TENM2: variants seen among roughly 807,000 people sequenced by gnomAD.
TENM2 encodes the protein teneurin-2.
In TENM2, 52 loss-of-function variants were observed where a neutral mutation model predicts 245.2. That is an observed-to-expected ratio of 0.21 (90% CI 0.17 to 0.27). The LOEUF (loss-of-function observed/expected upper bound fraction) is 0.27, where lower values mean the gene tolerates loss of function less well. Among genes scored for constraint, TENM2 ranks in the 10% least tolerant of loss-of-function variants. The pLI is 1.00. For missense variants in TENM2, 3,046 were observed against 3,666.8 expected (o/e 0.83, Z 4.37); for synonymous variants, 1,363 against 1,438.9 (o/e 0.95, Z 1.19).
At chr5:168,002,221 C>T (rs987211089) in intron 5 of TENM2, among the ~76,000 whole-genome samples, 1 of 152,168 alleles carries the variant, frequency 6.6e-6, no homozygotes, top group Non-Finnish European at 1.5e-5. Flanking sequence ...GAAGGCCCTT[C>T]CCTTGGGATG....
intron 5 of TENM2, among the ~76,000 whole-genome samples, chr5:168,030,403 A>C (rs1372449045): frequency 6.6e-6 from 1 of 152,010 alleles, no homozygotes; most frequent in Non-Finnish European, 1.5e-5. Flanking sequence ...AGCCTTGTGC[A>C]ATACCTGTGG....
At chr5:167,662,129 G>A (rs1391388408) in intron 2 of TENM2, among the ~76,000 whole-genome samples, 2 of 152,204 alleles carry the variant, frequency 1.3e-5, no homozygotes, top group Non-Finnish European at 2.9e-5. Context: ...AAAAGAAGCT[G>A]ATGCTTGGCA....
intron 2 of TENM2, among the ~76,000 whole-genome samples, chr5:167,661,942 G>A (rs80163037): frequency 1.7e-4 from 26 of 152,294 alleles, no homozygotes; most frequent in Middle Eastern, 3.4e-3. Context: ...GACTCTCCTT[G>A]GGCTGCCCTG....
intron 2 of TENM2, among the ~76,000 whole-genome samples, chr5:167,659,256 A>C (rs1044781195): frequency 6.6e-6 from 1 of 152,230 alleles, no homozygotes; most frequent in Non-Finnish European, 1.5e-5. Context: ...ATAAAGAGGA[A>C]AACAAATGAT....
the TENM2 span, among the ~76,000 whole-genome samples, chr5:167,124,350 T>C: frequency 6.6e-6 from 1 of 152,212 alleles, no homozygotes; most frequent in Non-Finnish European, 1.5e-5. Flanking sequence ...TTTGTTGGTG[T>C]TGTTTTATTT....
the TENM2 span, among the ~76,000 whole-genome samples, chr5:167,046,548 G>T: frequency 6.6e-6 from 1 of 152,130 alleles, no homozygotes; most frequent in South Asian, 2.1e-4. Context: ...CTATGGGTTA[G>T]TACACTACTA....
the TENM2 span, among the ~76,000 whole-genome samples, chr5:166,992,374 T>A: frequency 6.6e-6 from 1 of 152,242 alleles, no homozygotes; most frequent in African/African-American, 2.4e-5. Context: ...AAGTGAGATC[T>A]TTGAAGGCTT....
At chr5:167,117,300 G>A in the TENM2 span, among the ~76,000 whole-genome samples, 11 of 152,244 alleles carry the variant, frequency 7.2e-5, no homozygotes, top group Non-Finnish European at 1.2e-4. Flanking sequence ...TCAGGAGATC[G>A]AGACCATCCC....
At chr5:167,623,343 A>G (rs930145580) in intron 2 of TENM2, among the ~76,000 whole-genome samples, 5 of 152,118 alleles carry the variant, frequency 3.3e-5, no homozygotes, top group African/African-American at 1.2e-4. Flanking sequence ...TCTTTTCCCA[A>G]TTTGTTGTGT....
chr5:167,350,311 G>T (rs1758746367), intron 1 of TENM2, among the ~76,000 whole-genome samples: 1 of 151,614 alleles, frequency 6.6e-6, no homozygotes, highest in African/African-American at 2.4e-5. Context: ...TCACTTAGTT[G>T]TATACCTTTC....
intron 2 of TENM2, among the ~76,000 whole-genome samples, chr5:167,640,860 CATATAT>C (rs58985992): frequency 0.025 from 1,199 of 47,164 alleles, 33 homozygotes; most frequent in Non-Finnish European, 0.05. Flanking sequence ...TATATATATC[CATATAT>C]ATATATATAT....
At chr5:167,014,124 T>C in the TENM2 span, among the ~76,000 whole-genome samples, 3 of 127,920 alleles carry the variant, frequency 2.3e-5, no homozygotes, top group African/African-American at 5.6e-5. Context: ...TTTGCTGCCA[T>C]CTAAGAAAAC....
upstream of TENM2, among the ~76,000 whole-genome samples, chr5:167,284,359 G>A (rs77634459): frequency 6.6e-6 from 1 of 151,886 alleles, no homozygotes. Flanking sequence ...TTCTTTTGGA[G>A]GGGGGGTGGT....
chr5:167,240,912 G>T, the TENM2 span, among the ~76,000 whole-genome samples: 1 of 152,184 alleles, frequency 6.6e-6, no homozygotes, highest in Non-Finnish European at 1.5e-5. Flanking sequence ...GAAACAGGTA[G>T]GGTGGATGGT....
intron 2 of TENM2, among the ~76,000 whole-genome samples, chr5:167,458,486 C>CAAAAA (rs1466388818): frequency 2.8e-5 from 1 of 35,782 alleles, no homozygotes; most frequent in Non-Finnish European, 6.7e-5. Flanking sequence ...GACTCCGTCT[C>CAAAAA]AAAAAAACAA....
At chr5:167,538,729 C>G (rs1168745904) in intron 2 of TENM2, among the ~76,000 whole-genome samples, 1 of 152,192 alleles carries the variant, frequency 6.6e-6, no homozygotes, top group Non-Finnish European at 1.5e-5. Context: ...ACCTTCTCCT[C>G]TCATTCCAGC....
chr5:167,980,879 T>A (rs1476922980), intron 4 of TENM2, among the ~76,000 whole-genome samples: 1 of 152,094 alleles, frequency 6.6e-6, no homozygotes, highest in Non-Finnish European at 1.5e-5. Flanking sequence ...GGAACCATGG[T>A]GAAGCCTAGT....
intron 2 of TENM2, among the ~76,000 whole-genome samples, chr5:167,829,889 T>C (rs1441926167): frequency 6.6e-6 from 1 of 152,164 alleles, no homozygotes. Flanking sequence ...CAGAACACCT[T>C]CAGAGCGTCA....
intron 2 of TENM2, among the ~76,000 whole-genome samples, chr5:167,674,535 AAAT>A (rs1020978995): frequency 1.3e-5 from 2 of 152,128 alleles, no homozygotes; most frequent in African/African-American, 2.4e-5. Flanking sequence ...CAGTAAAGGA[AAAT>A]AATAATAATT....
Sources: allele counts gnomAD v4.1 joint callset (sites outside exome capture counted in the v4.1 genomes callset), GRCh38; gene constraint gnomAD v4.1.1; transcripts MANE v1.5; gene names NCBI Gene and HGNC (gene_info 2026-07-23, HGNC 2026-07-21).